The following AKT2 variants were observed in gnomAD, a reference collection of about 807,000 sequenced individuals.
AKT2 encodes AKT serine/threonine kinase 2.
A neutral mutation model predicts 58.6 loss-of-function variants in AKT2; 16 were observed. That is an observed-to-expected ratio of 0.27 (90% CI 0.18 to 0.41). The LOEUF (loss-of-function observed/expected upper bound fraction) is 0.41, where lower values mean the gene tolerates loss of function less well. Among genes scored for constraint, AKT2 ranks in the 10% least tolerant of loss-of-function variants. The probability of loss-of-function intolerance (pLI) is 1.00; values close to 1 mark genes in which losing one functional copy is unlikely to be tolerated. For missense variants in AKT2, 438 were observed against 661.0 expected (o/e 0.66, Z 3.70); for synonymous variants, 253 against 254.0 (o/e 1.00, Z 0.04).
At chr19:40,253,740 C>T (rs140580023) in intron 4 of AKT2, among the ~76,000 whole-genome samples, 2 of 152,216 alleles carry the variant, frequency 1.3e-5, no homozygotes, top group African/African-American at 2.4e-5. Context: ...TCAAACGAGA[C>T]AGACACGGCT....
Position 40,240,088 on chromosome 19 carries a change from G to A in AKT2, c.596C>T (p.Thr199Ile). The A allele has an allele frequency of 6.2e-7, 1 of 1,614,108 alleles. No homozygotes were observed. The highest frequency in any genetic ancestry group is 8.5e-7 in the Non-Finnish European group (1 of 1,180,044). The change falls in exon 7 of 14, where the codon ACC becomes ATC. Residue 199 changes from threonine to isoleucine, a missense_variant. Physicochemically the swap from Thr to Ile is moderately conservative, Grantham distance 89. Around this residue, in one of 3 missense-constraint regions of AKT2, gnomAD observed 244 missense variants for 347.1 expected, o/e 0.70. Transcript: ENST00000392038. ...IAKDEVAHTV[T>I]ESRVLQNTRH... ...GGTGTTCTGGAGGACCCGGCTCTCG[G>A]TGACTGTGTGAGCGACTTCATCCTG...
rs964423821 is a variant in AKT2 at position 40,231,572 on chromosome 19, G to A, written c.*2300C>T. On this transcript the variant is annotated 3_prime_UTR_variant, in exon 14 of 14. Coordinates refer to ENST00000392038, the MANE Select transcript of AKT2 (RefSeq NM_001626.6). ...TGGGTGTGAAGTGCTAACACCTTGC[G>A]GCAAAATCTCAAATTCATCTGTGCC... 5.1e-5 allele frequency: 12 copies of A among 233,196 alleles called. No individual in the cohort carries two copies. Among genetic ancestry groups the A allele is most frequent in the African/African-American group, 1.8e-4 (8 of 45,336 alleles). The allele number at this position is 233,196 out of a possible 1,614,324, so 14.4% of individuals were successfully genotyped here.
intron 4 of AKT2, among the ~76,000 whole-genome samples, chr19:40,245,065 G>A (rs557758051): frequency 6.6e-6 from 1 of 152,340 alleles, no homozygotes; most frequent in Admixed American, 6.5e-5. Context: ...GAAACAGGGT[G>A]CCTCCCCAAT....
intron 4 of AKT2, among the ~76,000 whole-genome samples, chr19:40,246,580 T>C (rs1485392705): frequency 6.6e-6 from 1 of 152,164 alleles, no homozygotes; most frequent in East Asian, 1.9e-4. Flanking sequence ...ATGTCTCTCA[T>C]ATATAAAGAT....
chr19:40,233,984 G>A lies in AKT2; in HGVS notation c.1367-33C>T. On this transcript the variant is annotated intron_variant, in intron 13 of 13. Transcript: ENST00000392038. The surrounding 1 kb of genome is among the most constrained non-coding windows in gnomAD (Gnocchi z 4.3). ...CGGCAGAGGTGGATGGGGAGGACCA[G>A]TCAGGAGAGGGCCTGGGACACCTGC... 2 of 1,601,790 alleles carry A rather than the reference G, an allele frequency of 1.2e-6. No individual in the cohort carries two copies. The highest frequency in any genetic ancestry group is 1.7e-5 in the Admixed American group (1 of 59,744).
chr19:40,249,619 C>A (rs1022583257), intron 4 of AKT2, among the ~76,000 whole-genome samples: 1 of 152,246 alleles, frequency 6.6e-6, no homozygotes, highest in East Asian at 1.9e-4. Context: ...ATCACCTCCC[C>A]GACCTAGAGG....
chr19:40,269,867 C>T (rs1280184476), intron 1 of AKT2, among the ~76,000 whole-genome samples: 1 of 152,160 alleles, frequency 6.6e-6, no homozygotes, highest in East Asian at 1.9e-4. Context: ...GCCCCGTGAC[C>T]ACCTGAGTCA....
intron 1 of AKT2, among the ~76,000 whole-genome samples, chr19:40,276,815 A>G (rs2077335041): frequency 6.6e-6 from 1 of 152,176 alleles, no homozygotes; most frequent in Non-Finnish European, 1.5e-5. Context: ...CAAAAGTTCA[A>G]GATCAGCCTG....
At chr19:40,259,945 G>C (rs971281721) in intron 2 of AKT2, among the ~76,000 whole-genome samples, 1 of 152,088 alleles carries the variant, frequency 6.6e-6, no homozygotes, top group Non-Finnish European at 1.5e-5. Flanking sequence ...TTGAGGTCAG[G>C]AGTTCAAAAC....
chr19:40,230,722 T>TTA lies in AKT2; in HGVS notation c.*3149_*3150insTA, dbSNP rs1286946034. Reference sequence around the variant, plus strand: ...TTTTAATAGCATGTATCATGTTTTTTTTTTTTTTATTTTTAGAGACACAGT... The same window carrying TTA: ...TTTTAATAGCATGTATCATGTTTTTTTATTTTTTTTATTTTTAGAGACACAGT... On this transcript the variant is annotated 3_prime_UTR_variant, in exon 14 of 14. Transcript: ENST00000392038. 1 of 206,922 alleles carries TTA rather than the reference T, an allele frequency of 4.8e-6. No individual in the cohort carries two copies. Among genetic ancestry groups the TTA allele is most frequent in the Non-Finnish European group, 9.9e-6 (1 of 101,284 alleles). 12.8% of individuals were successfully genotyped at this position (206,922 alleles called of 1,614,324 possible). A position where few individuals can be genotyped will look rare whatever the true frequency, so the allele number is the denominator to read the frequency against.
At chr19:40,279,228 GCA>G (rs1316739535) in intron 1 of AKT2, 5 of 152,518 alleles carry the variant, frequency 3.3e-5, no homozygotes, top group Admixed American at 3.3e-4. Flanking sequence ...CCCTCGCTCG[GCA>G]CAGTCAGAGC....
intron 4 of AKT2, among the ~76,000 whole-genome samples, chr19:40,248,376 G>T (rs532320946): frequency 6.6e-6 from 1 of 152,318 alleles, no homozygotes; most frequent in Admixed American, 6.5e-5. Flanking sequence ...ATGCAGCAGG[G>T]GACAAGCCCA....
chr19:40,239,031 T>A (rs1408723125), intron 7 of AKT2, 58 bp from the exon 8 acceptor site: 1 of 1,578,300 alleles, frequency 6.3e-7, no homozygotes, highest in African/African-American at 1.3e-5. Flanking sequence ...TGCTGAGCCA[T>A]GCCAGGGCAG....
At chr19:40,239,397 A>T in intron 7 of AKT2, 1 of 268,096 alleles carries the variant, frequency 3.7e-6, no homozygotes, top group Non-Finnish European at 7.3e-6. Flanking sequence ...TCTCCACTGC[A>T]CTAAGGAGAT....
At position 40,235,788 on chromosome 19, in the gene AKT2, G is replaced by A. The variant is rs1027290189; in HGVS notation, c.1175+102C>T. 7.3e-6 allele frequency: 9 copies of A among 1,236,810 alleles called. 1 individual carries two copies. The highest frequency in any genetic ancestry group is 4.7e-5 in the Admixed American group (2 of 42,324). 76.6% of individuals were successfully genotyped at this position (1,236,810 alleles called of 1,614,324 possible). A position where few individuals can be genotyped will look rare whatever the true frequency, so the allele number is the denominator to read the frequency against. On this transcript the variant is annotated intron_variant, in intron 11 of 13. Transcript: ENST00000392038. The surrounding 1 kb of genome is among the most constrained non-coding windows in gnomAD (Gnocchi z 6.3). ...GGGCTGTGTGGGGACGACACACTGCGACCCTACAAGCGAGCACCCTTGTGG... is the reference window on the plus strand; with the variant it reads ...GGGCTGTGTGGGGACGACACACTGCAACCCTACAAGCGAGCACCCTTGTGG...
At chr19:40,255,307 G>T in intron 3 of AKT2, 38 bp from the exon 4 acceptor site, 1 of 1,545,738 alleles carries the variant, frequency 6.5e-7, no homozygotes, top group Non-Finnish European at 8.9e-7. Context: ...GGGCTGAGGG[G>T]ATAGCCCTGC....
chr19:40,256,526 G>A (rs1975553784), intron 3 of AKT2, among the ~76,000 whole-genome samples: 1 of 152,194 alleles, frequency 6.6e-6, no homozygotes, highest in African/African-American at 2.4e-5. Context: ...AGGACGCGAG[G>A]CCAGCCCTGT....
chr19:40,248,806 G>A (rs1021742584), intron 4 of AKT2, among the ~76,000 whole-genome samples: 2 of 143,576 alleles, frequency 1.4e-5, no homozygotes, highest in Non-Finnish European at 3.0e-5. Flanking sequence ...AGGAGATGAG[G>A]ACAGGGAGGA....
chr19:40,265,539 C>CGCTGGG, intron 1 of AKT2, 188 bp from the exon 2 acceptor site: 1 of 738,834 alleles, frequency 1.4e-6, no homozygotes, highest in Non-Finnish European at 2.1e-6. Flanking sequence ...ATGTCCCCAG[C>CGCTGGG]GACCCCAATC....
Sources: gnomAD v4.1 joint callset for allele counts (sites outside exome capture counted in the v4.1 genomes callset) on GRCh38, gnomAD v4.1.1 for gene constraint, gnomAD v4.1.1 regional missense constraint, Gnocchi (gnomAD v3.1) non-coding constraint, MANE v1.5 for transcripts, NCBI Gene and HGNC (gene_info 2026-07-23, HGNC 2026-07-21) for gene names.